The following PSMB2 variants were observed in gnomAD, a reference collection of about 807,000 sequenced individuals.
PSMB2 encodes the protein proteasome 20S subunit beta 2.
A neutral mutation model predicts 25.7 loss-of-function variants in PSMB2; 13 were observed. The observed-to-expected ratio is 0.51, with a 90% CI of 0.33 to 0.80. The LOEUF is 0.80. Ranked by LOEUF, PSMB2 falls within the 30% of genes least tolerant of loss-of-function variation. The pLI, the probability that PSMB2 is intolerant of heterozygous loss-of-function variation, is 0.02. For missense variants in PSMB2, 202 were observed against 259.0 expected (o/e 0.78, Z 1.51); for synonymous variants, 87 against 96.2 (o/e 0.90, Z 0.56).
intron 3 of PSMB2, among the ~76,000 whole-genome samples, chr1:35,612,303 T>TA (rs1225911208): frequency 6.6e-6 from 1 of 151,798 alleles, no homozygotes; most frequent in Non-Finnish European, 1.5e-5. Flanking sequence ...TTTTTTTTTT[T>TA]AACATGTAAA....
At position 35,605,289 on chromosome 1, in the gene PSMB2, G is replaced by A. The variant is rs747835289; in HGVS notation, c.449-7C>T. Reference sequence around the variant, plus strand: ...GCCCTCTCACGTGAGATAGCTGAAAGAGAACACAGAGACCAAATACTTCCG... The same window carrying A: ...GCCCTCTCACGTGAGATAGCTGAAAAAGAACACAGAGACCAAATACTTCCG... On this transcript the variant is annotated splice_region_variant and splice_polypyrimidine_tract_variant and intron_variant, in intron 4 of 5. Coordinates refer to ENST00000373237, the MANE Select transcript of PSMB2 (RefSeq NM_002794.5). The A allele has an allele frequency of 6.8e-6, 11 of 1,611,986 alleles. No homozygotes were observed. The highest frequency in any genetic ancestry group is 1.3e-5 in the African/African-American group (1 of 74,806).
Position 35,641,511 on chromosome 1 carries a change from C to T in PSMB2, c.-79G>A. ...TCCAGGTCTCACCGGTGAGACAGCACCTCAGAGCGAAGATTGGCGCGACGC... is the reference window on the plus strand; with the variant it reads ...TCCAGGTCTCACCGGTGAGACAGCATCTCAGAGCGAAGATTGGCGCGACGC... On this transcript the variant is annotated 5_prime_UTR_variant, in exon 1 of 6. It adds an upstream start codon to the 5' untranslated region. Transcript: ENST00000373237. The T allele has an allele frequency of 6.3e-7, 1 of 1,591,120 alleles. No homozygotes were observed. Among genetic ancestry groups the T allele is most frequent in the Non-Finnish European group, 8.6e-7 (1 of 1,166,496 alleles).
intron 3 of PSMB2, among the ~76,000 whole-genome samples, chr1:35,630,351 C>T (rs1651053960): frequency 6.6e-6 from 1 of 150,626 alleles, no homozygotes; most frequent in Admixed American, 6.6e-5. Flanking sequence ...GGTATTTACG[C>T]AAAAAAAAAC....
chr1:35,634,916 T>A (rs1162884816), intron 2 of PSMB2, among the ~76,000 whole-genome samples: 2 of 151,966 alleles, frequency 1.3e-5, no homozygotes, highest in African/African-American at 4.8e-5. Context: ...GCCTCCTGAG[T>A]AGCTAGGGCT....
chr1:35,623,856 A>T (rs745540285), intron 3 of PSMB2, among the ~76,000 whole-genome samples: 11 of 152,228 alleles, frequency 7.2e-5, no homozygotes, highest in Non-Finnish European at 1.6e-4. Context: ...AATGGTTGGT[A>T]GTGTATAAGG....
chr1:35,637,589 C>T (rs184590037), intron 1 of PSMB2, among the ~76,000 whole-genome samples: 7 of 152,278 alleles, frequency 4.6e-5, no homozygotes, highest in East Asian at 3.9e-4. Flanking sequence ...CTGGGAGACA[C>T]GTTTCCTGTT....
chr1:35,611,924 G>A (rs908772083), intron 3 of PSMB2, among the ~76,000 whole-genome samples: 2 of 151,976 alleles, frequency 1.3e-5, no homozygotes, highest in African/African-American at 4.8e-5. Flanking sequence ...TTCCACCTTG[G>A]CCTCCCAAAG....
intron 1 of PSMB2, 93 bp downstream of exon 1, chr1:35,641,249 A>T (rs1651387477): frequency 6.7e-7 from 1 of 1,500,366 alleles, no homozygotes; most frequent in Non-Finnish European, 9.1e-7. Context: ...TCCATCTCTC[A>T]GATCCTCCCT....
intron 2 of PSMB2, among the ~76,000 whole-genome samples, chr1:35,634,844 G>A (rs1284467616): frequency 1.3e-5 from 2 of 151,054 alleles, no homozygotes; most frequent in Non-Finnish European, 2.9e-5. Flanking sequence ...CCAGAGTACA[G>A]TGGCACAATC....
chr1:35,608,319 C>G (rs1392920127), intron 4 of PSMB2, among the ~76,000 whole-genome samples: 1 of 151,472 alleles, frequency 6.6e-6, no homozygotes, highest in Non-Finnish European at 1.5e-5. Context: ...GAGCCGAGAT[C>G]ACTCCACTGC....
chr1:35,628,632 T>TATATATATG (rs1491503087), intron 3 of PSMB2, among the ~76,000 whole-genome samples: 1 of 35,494 alleles, frequency 2.8e-5, no homozygotes, highest in African/African-American at 1.0e-4. Context: ...TATATATATA[T>TATATATATG]TTTTTTTTTT....
intron 3 of PSMB2, among the ~76,000 whole-genome samples, chr1:35,619,409 C>T (rs1650609158): frequency 6.6e-6 from 1 of 152,126 alleles, no homozygotes; most frequent in Non-Finnish European, 1.5e-5. Flanking sequence ...TCGAATGTGG[C>T]TTTATCACCT....
rs532617244 is a variant in PSMB2 at position 35,636,202 on chromosome 1, G to A, written c.214+108C>T. The stretch of plus-strand genomic sequence containing the variant: ...CTTAATCTTTGACTTCTAACATCTA[G>A]AACTGTGAGAAAATACATTTCTGTT... On this transcript the variant is annotated intron_variant, in intron 2 of 5. Coordinates refer to ENST00000373237, the MANE Select transcript of PSMB2 (RefSeq NM_002794.5). The A allele has an allele frequency of 3.6e-6, 5 of 1,385,412 alleles. No homozygotes were observed. In the African/African-American group the frequency reaches 7.2e-5, roughly 20 times the overall value. 85.8% of individuals were successfully genotyped at this position (1,385,412 alleles called of 1,614,324 possible).
chr1:35,622,886 GT>G (rs1260960311), intron 3 of PSMB2, among the ~76,000 whole-genome samples: 1 of 151,518 alleles, frequency 6.6e-6, no homozygotes, highest in Non-Finnish European at 1.5e-5. Flanking sequence ...ATCTTCCCAA[GT>G]TATTTTTTTT....
intron 1 of PSMB2, among the ~76,000 whole-genome samples, chr1:35,636,773 A>G (rs1651255850): frequency 6.6e-6 from 1 of 152,204 alleles, no homozygotes; most frequent in Non-Finnish European, 1.5e-5. Flanking sequence ...TAATATGCAA[A>G]TACTATACCA....
At position 35,641,447 on chromosome 1, in the gene PSMB2, A is replaced by T; in HGVS notation, c.-15T>A. On this transcript the variant is annotated 5_prime_UTR_variant, in exon 1 of 6. Coordinates refer to ENST00000373237, the MANE Select transcript of PSMB2 (RefSeq NM_002794.5). ...AGGTACTCCATGGTGGCGGAAGGCC[A>T]GGGGCTGCAGGTCCGACACAGCACG... 1 of 1,614,026 alleles carries T rather than the reference A, an allele frequency of 6.2e-7. No individual in the cohort carries two copies. Among genetic ancestry groups the T allele is most frequent in the Non-Finnish European group, 8.5e-7 (1 of 1,179,976 alleles).
rs933943917 is a variant in PSMB2, at chr1:35,601,325, C to T, written c.*1942G>A. 17 of 959,614 alleles carry T rather than the reference C, an allele frequency of 1.8e-5. No homozygotes were observed. Among genetic ancestry groups the T allele is most frequent in the Non-Finnish European group, 2.0e-5 (16 of 806,938 alleles). 59.4% of individuals were successfully genotyped at this position (959,614 alleles called of 1,614,324 possible). On this transcript the variant is annotated 3_prime_UTR_variant, in exon 6 of 6. Coordinates refer to ENST00000373237, the MANE Select transcript of PSMB2 (RefSeq NM_002794.5). ...ACCTCAGGTGATCCGCCCGCCTCGGCGGGCGGCCAAAGTGCTGGGATTACA... is the reference window on the plus strand; with the variant it reads ...ACCTCAGGTGATCCGCCCGCCTCGGTGGGCGGCCAAAGTGCTGGGATTACA...
chr1:35,617,414 T>C (rs974649903), intron 3 of PSMB2, among the ~76,000 whole-genome samples: 2 of 151,704 alleles, frequency 1.3e-5, no homozygotes, highest in Non-Finnish European at 2.9e-5. Flanking sequence ...AGATTCAATC[T>C]CTTTTAGCTT....
chr1:35,616,111 G>A (rs1238855152), intron 3 of PSMB2, among the ~76,000 whole-genome samples: 1 of 152,086 alleles, frequency 6.6e-6, no homozygotes, highest in African/African-American at 2.4e-5. Flanking sequence ...TACAAATGTG[G>A]GGACTAAACT....
Sources: allele counts gnomAD v4.1 joint callset (sites outside exome capture counted in the v4.1 genomes callset), GRCh38; gene constraint gnomAD v4.1.1; transcripts MANE v1.5; gene names NCBI Gene and HGNC (gene_info 2026-07-23, HGNC 2026-07-21).